Variants in WNK3 observed in about 807,000 individuals in gnomAD.
The protein encoded by WNK3 is serine/threonine-protein kinase WNK3.
In WNK3, 18 loss-of-function variants were observed where a neutral mutation model predicts 116.7. The ratio of observed to expected loss-of-function variants is 0.15; its 90% CI spans 0.11 to 0.23. The LOEUF is 0.23. Ranked by LOEUF, WNK3 falls within the 10% of genes least tolerant of loss-of-function variation. The pLI is 1.00. For missense variants in WNK3, 993 were observed against 1,323.8 expected (o/e 0.75, Z 3.88); for synonymous variants, 404 against 469.4 (o/e 0.86, Z 1.80).
intron 10 of WNK3, among the ~76,000 whole-genome samples, chrX:54,277,291 AGG>A (rs782381021): frequency 2.0e-4 from 22 of 111,357 alleles, no homozygotes; most frequent in Non-Finnish European, 3.2e-4. Flanking sequence ...CAGATTAGAA[AGG>A]GAGAGATCAC....
chrX:54,355,736 A>T (rs1363721918), intron 1 of WNK3, among the ~76,000 whole-genome samples: 2 of 111,374 alleles, frequency 1.8e-5, no homozygotes, highest in Non-Finnish European at 3.8e-5. Flanking sequence ...GCCTTATCTC[A>T]TTCCATTCTC....
chrX:54,257,913 C>T (rs2068212606), intron 11 of WNK3, among the ~76,000 whole-genome samples: 1 of 105,914 alleles, frequency 9.4e-6, no homozygotes, highest in Non-Finnish European at 1.9e-5. Flanking sequence ...AGAAAAATTA[C>T]AACTTGAATG....
intron 10 of WNK3, among the ~76,000 whole-genome samples, chrX:54,270,947 T>C (rs1278439400): frequency 8.9e-6 from 1 of 111,864 alleles, no homozygotes; most frequent in Admixed American, 9.6e-5. Context: ...TGGCTAATTT[T>C]TTTGTATTTT....
chrX:54,317,674 C>CA (rs1557171296), intron 2 of WNK3, among the ~76,000 whole-genome samples: 1 of 107,737 alleles, frequency 9.3e-6, no homozygotes, highest in African/African-American at 3.4e-5. Flanking sequence ...CTCTGTCGCC[C>CA]AGGCTGGAGT....
intron 7 of WNK3, among the ~76,000 whole-genome samples, 171 bp downstream of exon 7, chrX:54,298,004 C>T (rs1386074373): frequency 6.4e-5 from 7 of 110,074 alleles, no homozygotes; most frequent in Non-Finnish European, 1.3e-4. Flanking sequence ...ACCCAGGAGG[C>T]GGAGCTTGCA....
intron 1 of WNK3, among the ~76,000 whole-genome samples, chrX:54,349,627 TA>T (rs1366225199): frequency 8.9e-6 from 1 of 111,815 alleles, no homozygotes; most frequent in African/African-American, 3.2e-5. Context: ...GCTGATCCTC[TA>T]AAGAGTAGAA....
intron 1 of WNK3, among the ~76,000 whole-genome samples, chrX:54,345,970 A>G (rs1557177481): frequency 3.7e-5 from 4 of 109,239 alleles, no homozygotes; most frequent in African/African-American, 9.9e-5. Context: ...AATAAAATAA[A>G]TAGCATTATA....
intron 17 of WNK3, among the ~76,000 whole-genome samples, chrX:54,247,470 G>A (rs1714338154): frequency 9.1e-6 from 1 of 109,767 alleles, no homozygotes; most frequent in Non-Finnish European, 1.9e-5. Context: ...TAGCATATAT[G>A]TAAATAAGTA....
intron 10 of WNK3, among the ~76,000 whole-genome samples, chrX:54,276,422 A>T (rs1183739254): frequency 9.0e-6 from 1 of 111,463 alleles, no homozygotes; most frequent in Admixed American, 9.6e-5. Flanking sequence ...AAACTTCAAC[A>T]CCTCACTCTC....
At chrX:54,210,256 G>A (rs2067598536) in intron 22 of WNK3, among the ~76,000 whole-genome samples, 1 of 111,862 alleles carries the variant, frequency 8.9e-6, no homozygotes, top group Admixed American at 9.6e-5. Context: ...GCCTCCATGA[G>A]TTATAAAAAG....
chrX:54,267,515 G>C (rs1275252034), intron 10 of WNK3, among the ~76,000 whole-genome samples: 1 of 111,110 alleles, frequency 9.0e-6, no homozygotes, highest in African/African-American at 3.3e-5. Context: ...ACTGAGTGTG[G>C]TGGCTCACAC....
chrX:54,221,767 G>A (rs145206651), intron 22 of WNK3, among the ~76,000 whole-genome samples: 1,164 of 110,930 alleles, frequency 0.01, 13 homozygotes, highest in African/African-American at 0.037. Context: ...CCCAGAGGCA[G>A]AAGTTGCAGT....
intron 22 of WNK3, among the ~76,000 whole-genome samples, chrX:54,207,001 C>G (rs1407666405): frequency 9.1e-6 from 1 of 110,166 alleles, no homozygotes; most frequent in Admixed American, 9.8e-5. Context: ...TGCACTCCAG[C>G]CTGGGCAACA....
intron 21 of WNK3, 173 bp downstream of exon 21, chrX:54,232,636 T>A: frequency 2.3e-6 from 1 of 436,592 alleles, no homozygotes; most frequent in South Asian, 4.3e-5. Flanking sequence ...ATTATCCTAA[T>A]CATTACTACA....
chrX:54,234,602 G>A (rs1009721405), intron 20 of WNK3, among the ~76,000 whole-genome samples: 12 of 111,465 alleles, frequency 1.1e-4, no homozygotes, highest in African/African-American at 3.9e-4. Flanking sequence ...TAAGGCAGGC[G>A]GATCACGAGG....
intron 18 of WNK3, 22 bp from the exon 19 acceptor site, chrX:54,238,494 A>G: frequency 8.4e-7 from 1 of 1,188,506 alleles, no homozygotes; most frequent in Non-Finnish European, 1.1e-6. Context: ...GCCAAATTGT[A>G]AGTAAAAAAG....
intron 2 of WNK3, among the ~76,000 whole-genome samples, chrX:54,322,388 T>C (rs2069049172): frequency 1.8e-5 from 2 of 111,726 alleles, no homozygotes; most frequent in African/African-American, 6.5e-5. Context: ...CCTCTGGACA[T>C]TGACAAAAGG....
intron 22 of WNK3, among the ~76,000 whole-genome samples, chrX:54,215,489 T>G (rs1405331500): frequency 8.9e-6 from 1 of 112,777 alleles, no homozygotes; most frequent in Non-Finnish European, 1.9e-5. Context: ...GCTCACTCAG[T>G]GCTCAATGTT....
intron 2 of WNK3, among the ~76,000 whole-genome samples, chrX:54,324,287 C>T (rs1268928316): frequency 1.8e-5 from 2 of 112,117 alleles, no homozygotes; most frequent in African/African-American, 6.5e-5. Context: ...ATCGCATCTG[C>T]AAAGTCCTTT....
Sources: allele counts gnomAD v4.1 joint callset (sites outside exome capture counted in the v4.1 genomes callset), GRCh38; gene constraint gnomAD v4.1.1; transcripts MANE v1.5; gene names NCBI Gene and HGNC (gene_info 2026-07-23, HGNC 2026-07-21).